PRKN: variants seen among roughly 807,000 people sequenced by gnomAD.
The protein encoded by PRKN is E3 ubiquitin-protein ligase parkin.
In PRKN, 56 loss-of-function variants were observed where a neutral mutation model predicts 59.5. The ratio of observed to expected loss-of-function variants is 0.94; its 90% CI spans 0.76 to 1.18. PRKN has a LOEUF of 1.18. PRKN is among the 50% of genes most tolerant of loss of function. The probability of loss-of-function intolerance (pLI) is 0.00; values close to 1 mark genes in which losing one functional copy is unlikely to be tolerated. For missense variants in PRKN, 657 were observed against 596.4 expected (o/e 1.10, Z -1.06); for synonymous variants, 250 against 222.1 (o/e 1.13, Z -1.12).
chr6:162,310,258 A>T (rs1475291346), intron 2 of PRKN, among the ~76,000 whole-genome samples: 1 of 152,154 alleles, frequency 6.6e-6, no homozygotes, highest in Non-Finnish European at 1.5e-5. Context: ...CCACCGTCTC[A>T]TGTCCAGGCC....
chr6:161,900,786 A>AT (rs1554245036), intron 6 of PRKN, among the ~76,000 whole-genome samples: 3 of 136,286 alleles, frequency 2.2e-5, no homozygotes, highest in Non-Finnish European at 4.6e-5. Flanking sequence ...AATTATATAT[A>AT]AAATATAAAT....
At chr6:162,224,365 T>C (rs1010200488) in intron 3 of PRKN, among the ~76,000 whole-genome samples, 1 of 152,156 alleles carries the variant, frequency 6.6e-6, no homozygotes, top group Non-Finnish European at 1.5e-5. Context: ...CTGTACAGGT[T>C]TGCAGCCTAA....
intron 5 of PRKN, among the ~76,000 whole-genome samples, chr6:162,007,107 T>TA (rs754580245): frequency 1.3e-5 from 2 of 152,220 alleles, no homozygotes; most frequent in Admixed American, 6.5e-5. Context: ...AATGAGCATT[T>TA]AAAAAAACAG....
chr6:162,348,838 A>G lies in PRKN; in HGVS notation c.172-86073T>C, dbSNP rs193065807. On this transcript the variant is annotated intron_variant, in intron 2 of 11. Coordinates refer to ENST00000366898, the MANE Select transcript of PRKN (RefSeq NM_004562.3). ...AGAGAGACAGAAATTCTAAAAATCA[A>G]CAGCAAATTAGTTGAGATAGTACAA... 3.1e-3 allele frequency among the ~76,000 whole-genome samples: 465 copies of G among 152,330 alleles called. 3 individuals carry two copies. The highest frequency in any genetic ancestry group is 0.011 in the African/African-American group (446 of 41,586).
At chr6:162,433,275 T>C (rs1370173121) in intron 2 of PRKN, among the ~76,000 whole-genome samples, 1 of 152,138 alleles carries the variant, frequency 6.6e-6, no homozygotes, top group African/African-American at 2.4e-5. Flanking sequence ...ACACTTCATA[T>C]AGATCAGAAA....
At chr6:161,478,460 C>T (rs1427292351) in intron 9 of PRKN, among the ~76,000 whole-genome samples, 1 of 152,206 alleles carries the variant, frequency 6.6e-6, no homozygotes, top group Admixed American at 6.5e-5. Flanking sequence ...TATAGTTACA[C>T]ATGTGATAAT....
intron 1 of PRKN, among the ~76,000 whole-genome samples, chr6:162,446,674 C>T (rs892897570): frequency 2.0e-5 from 3 of 152,012 alleles, no homozygotes; most frequent in African/African-American, 4.8e-5. Context: ...CTAAAACATT[C>T]GCATGAATAA....
intron 4 of PRKN, among the ~76,000 whole-genome samples, chr6:162,145,166 C>A (rs1000521905): frequency 6.6e-6 from 1 of 152,108 alleles, no homozygotes; most frequent in African/African-American, 2.4e-5. Flanking sequence ...TTCAATTTCC[C>A]TTTTAGGTGT....
chr6:161,970,436 A>G (rs1780758855), intron 6 of PRKN, among the ~76,000 whole-genome samples: 1 of 151,456 alleles, frequency 6.6e-6, no homozygotes, highest in African/African-American at 2.4e-5. Context: ...CACACACAAT[A>G]TAATTATACA....
intron 2 of PRKN, among the ~76,000 whole-genome samples, chr6:162,337,312 C>A (rs2128126648): frequency 6.6e-6 from 1 of 152,262 alleles, no homozygotes; most frequent in South Asian, 2.1e-4. Context: ...CCTCACATAA[C>A]CAAGGTATTT....
rs1378113560 is a variant in PRKN at position 161,378,798 on chromosome 6, T to G, written c.1167+7996A>C. 6.6e-6 allele frequency among the ~76,000 whole-genome samples: 1 copy of G among 152,108 alleles called. No individual in the cohort carries two copies. The stretch of plus-strand genomic sequence containing the variant: ...GAGATTTACACTCTGAATCAACAAC[T>G]ACCATGGTGCAGGGTGTGTCTCCAG... On this transcript the variant is annotated intron_variant, in intron 10 of 11. Coordinates refer to ENST00000366898, the MANE Select transcript of PRKN (RefSeq NM_004562.3). This position sits in a 1 kb window ranked among gnomAD's most constrained non-coding sequence, Gnocchi z 7.3.
chr6:162,378,547 G>A (rs1251102353), intron 2 of PRKN, among the ~76,000 whole-genome samples: 1 of 152,212 alleles, frequency 6.6e-6, no homozygotes, highest in African/African-American at 2.4e-5. Context: ...TTTAAGGCAT[G>A]ATTATTCAAG....
chr6:161,929,517 CT>C (rs759945931), intron 6 of PRKN, among the ~76,000 whole-genome samples: 758 of 72,258 alleles, frequency 0.01, 2 homozygotes, highest in African/African-American at 0.038. Flanking sequence ...AATTTCACCT[CT>C]TTTTTTTTTT....
chr6:162,602,439 T>C (rs1203075665), intron 1 of PRKN, among the ~76,000 whole-genome samples: 1 of 152,192 alleles, frequency 6.6e-6, no homozygotes, highest in African/African-American at 2.4e-5. Flanking sequence ...GAACACTGTG[T>C]CTTGCATGTG....
intron 1 of PRKN, among the ~76,000 whole-genome samples, chr6:162,585,435 G>A (rs1399931201): frequency 6.6e-6 from 1 of 151,988 alleles, no homozygotes; most frequent in East Asian, 1.9e-4. Flanking sequence ...CCTATATTCT[G>A]GAAAATTCTC....
intron 3 of PRKN, among the ~76,000 whole-genome samples, chr6:162,234,072 G>T (rs927764114): frequency 3.9e-5 from 6 of 152,178 alleles, no homozygotes; most frequent in African/African-American, 1.2e-4. Context: ...ATGAGGAAAA[G>T]AAAAAGATGC....
intron 1 of PRKN, among the ~76,000 whole-genome samples, chr6:162,462,065 T>C (rs985613244): frequency 6.6e-6 from 1 of 152,106 alleles, no homozygotes; most frequent in Non-Finnish European, 1.5e-5. Context: ...GTATTTACAG[T>C]AGTGAGCAGA....
intron 8 of PRKN, among the ~76,000 whole-genome samples, chr6:161,567,253 G>T (rs935417341): frequency 3.3e-5 from 5 of 151,854 alleles, no homozygotes; most frequent in African/African-American, 9.7e-5. Flanking sequence ...TCACTATGTT[G>T]GCCAGGCTGG....
intron 1 of PRKN, among the ~76,000 whole-genome samples, chr6:162,723,786 C>A (rs1200824214): frequency 6.6e-6 from 1 of 152,126 alleles, no homozygotes; most frequent in Non-Finnish European, 1.5e-5. Flanking sequence ...TGTCTGTAAA[C>A]CTAATGAGTG....
Sources: gnomAD v4.1 joint callset for allele counts (sites outside exome capture counted in the v4.1 genomes callset) on GRCh38, gnomAD v4.1.1 for gene constraint, Gnocchi (gnomAD v3.1) non-coding constraint, MANE v1.5 for transcripts, NCBI Gene and HGNC (gene_info 2026-07-23, HGNC 2026-07-21) for gene names.